The following SMC1B variants were observed in gnomAD, a reference collection of about 807,000 sequenced individuals.
SMC1B encodes the protein structural maintenance of chromosomes 1B, also known as structural maintenance of chromosomes protein 1B.
A neutral mutation model predicts 157.9 loss-of-function variants in SMC1B; 60 were observed. The ratio of observed to expected loss-of-function variants is 0.38; its 90% CI spans 0.31 to 0.47. The LOEUF (loss-of-function observed/expected upper bound fraction) is 0.47. Ranked by LOEUF, SMC1B falls within the 20% of genes least tolerant of loss-of-function variation. The pLI is 0.99. For synonymous variants in SMC1B, 445 were observed against 483.0 expected, an observed-to-expected ratio of 0.92 and a Z score of 1.03; for missense variants, 1,165 against 1,426.2, an observed-to-expected ratio of 0.82 and a Z score of 2.95.
At chr22:45,368,984 C>T (rs1415531108) in intron 15 of SMC1B, among the ~76,000 whole-genome samples, 1 of 152,076 alleles carries the variant, frequency 6.6e-6, no homozygotes, top group Non-Finnish European at 1.5e-5. Context: ...TTGTAACTGG[C>T]CATCTTAGAT....
intron 22 of SMC1B, among the ~76,000 whole-genome samples, chr22:45,350,184 G>T (rs1210970138): frequency 6.6e-6 from 1 of 151,144 alleles, no homozygotes; most frequent in African/African-American, 2.4e-5. Flanking sequence ...TGGCCTCAGG[G>T]TTTTAAATAC....
At chr22:45,351,901 T>C (rs2086619352) in intron 22 of SMC1B, among the ~76,000 whole-genome samples, 1 of 152,238 alleles carries the variant, frequency 6.6e-6, no homozygotes, top group Non-Finnish European at 1.5e-5. Context: ...AATAAGGAGA[T>C]TAAATACTTT....
chr22:45,368,415 T>C (rs1000746434), intron 15 of SMC1B, among the ~76,000 whole-genome samples: 1 of 152,148 alleles, frequency 6.6e-6, no homozygotes, highest in African/African-American at 2.4e-5. Flanking sequence ...GTGACATTGA[T>C]TTACAGTTTC....
At chr22:45,388,838 A>G (rs149106148) in intron 10 of SMC1B, among the ~76,000 whole-genome samples, 26 of 151,952 alleles carry the variant, frequency 1.7e-4, no homozygotes, top group African/African-American at 6.0e-4. Flanking sequence ...AAGAAAAAAA[A>G]TCAGCCGGGC....
Position 45,354,993 on chromosome 22 carries a change from C to A in SMC1B, c.3084G>T (p.Lys1028Asn), listed in dbSNP as rs1392894911. 1 of 1,614,176 alleles carries A rather than the reference C, an allele frequency of 6.2e-7. No homozygotes were observed. The highest frequency in any genetic ancestry group is 8.5e-7 in the Non-Finnish European group (1 of 1,180,026). ...APNLRALENL[K>N]TVRDKFQEST... ...ACTCTTGAAACTTGTCTCTGACAGT[C>A]TTTAAGTTCTCCAGTGCTCGTAGGT... The change falls in exon 20 of 25, where the codon AAG (lysine) becomes AAT (asparagine). Residue 1028 changes from lysine to asparagine, a missense_variant. Physicochemically the swap from Lys to Asn is moderately conservative, Grantham distance 94. Transcript: ENST00000357450.
At chr22:45,404,373 T>C (rs866431607) in intron 4 of SMC1B, among the ~76,000 whole-genome samples, 3 of 152,246 alleles carry the variant, frequency 2.0e-5, no homozygotes, top group Non-Finnish European at 4.4e-5. Flanking sequence ...TATCTTGAAA[T>C]AGCCGTGCAA....
chr22:45,377,668 T>C (rs2086896537), intron 12 of SMC1B, among the ~76,000 whole-genome samples: 1 of 152,010 alleles, frequency 6.6e-6, no homozygotes. Context: ...TGTATAACTT[T>C]TGTTATTTTG....
chr22:45,413,264 C>A (rs1168805540), intron 1 of SMC1B, among the ~76,000 whole-genome samples, 195 bp downstream of exon 1: 1 of 152,014 alleles, frequency 6.6e-6, no homozygotes, highest in South Asian at 2.1e-4. Context: ...ACGGCGAGGA[C>A]CGGGGCTGAG....
chr22:45,363,877 C>G (rs2086746335), intron 15 of SMC1B, among the ~76,000 whole-genome samples: 1 of 148,126 alleles, frequency 6.8e-6, no homozygotes. Context: ...GAGATGGAGT[C>G]TCACTCTGTT....
chr22:45,388,986 C>CAAAAAAAAAA (rs371475132), intron 10 of SMC1B, among the ~76,000 whole-genome samples: 15 of 54,306 alleles, frequency 2.8e-4, no homozygotes, highest in African/African-American at 3.2e-4. Context: ...GACTCTGCCT[C>CAAAAAAAAAA]AAAAAAAAAA....
At chr22:45,384,265 G>A (rs924748246) in intron 11 of SMC1B, among the ~76,000 whole-genome samples, 3 of 152,072 alleles carry the variant, frequency 2.0e-5, no homozygotes, top group Non-Finnish European at 2.9e-5. Context: ...AAGAACATCT[G>A]CTCTTTACTA....
At chr22:45,358,861 G>A (rs2086694538) in intron 18 of SMC1B, 66 bp from the exon 19 acceptor site, 2 of 1,058,732 alleles carry the variant, frequency 1.9e-6, no homozygotes, top group Non-Finnish European at 2.9e-6. Flanking sequence ...AGTGGTTCAT[G>A]GCACTCCAAA....
intron 5 of SMC1B, among the ~76,000 whole-genome samples, chr22:45,400,088 T>A (rs538887604): frequency 1.3e-5 from 2 of 152,338 alleles, no homozygotes; most frequent in African/African-American, 4.8e-5. Flanking sequence ...TATTTATAGC[T>A]ATGTGTATAA....
chr22:45,361,740 G>T lies in SMC1B; in HGVS notation c.2708+99C>A. 2.6e-6 allele frequency: 3 copies of T among 1,143,828 alleles called. No homozygotes were observed. The South Asian group carries it at 4.4e-5, about 17-fold the overall frequency. 70.9% of individuals were successfully genotyped at this position (1,143,828 alleles called of 1,614,324 possible). Reference sequence around the variant, plus strand: ...GATGTGAGACCAAGAGCAACAAAGGGCACATATTCAAATGCAACTCATTTC... The same window carrying T: ...GATGTGAGACCAAGAGCAACAAAGGTCACATATTCAAATGCAACTCATTTC... On this transcript the variant is annotated intron_variant, in intron 17 of 24. Coordinates refer to ENST00000357450, the MANE Select transcript of SMC1B (RefSeq NM_148674.5).
intron 22 of SMC1B, among the ~76,000 whole-genome samples, chr22:45,350,139 G>A (rs1222904283): frequency 6.6e-6 from 1 of 152,090 alleles, no homozygotes; most frequent in Non-Finnish European, 1.5e-5. Flanking sequence ...TCAGGGCTCT[G>A]TGCTTATCTA....
At chr22:45,375,255 T>C (rs543424476) in intron 12 of SMC1B, among the ~76,000 whole-genome samples, 10 of 152,352 alleles carry the variant, frequency 6.6e-5, no homozygotes, top group Admixed American at 3.9e-4. Context: ...TTTCGAGTTA[T>C]CCTGCCTTTG....
intron 19 of SMC1B, among the ~76,000 whole-genome samples, chr22:45,355,341 T>C (rs2086659575): frequency 6.6e-6 from 1 of 152,220 alleles, no homozygotes; most frequent in Non-Finnish European, 1.5e-5. Flanking sequence ...TTTTTTAATC[T>C]GGGTAAAGAG....
chr22:45,385,957 G>A (rs1251982258), intron 11 of SMC1B, among the ~76,000 whole-genome samples: 1 of 151,910 alleles, frequency 6.6e-6, no homozygotes, highest in Non-Finnish European at 1.5e-5. Flanking sequence ...TGCAATTCTG[G>A]ACATTCCAGA....
At chr22:45,409,606 AAAT>A (rs2087306847) in intron 1 of SMC1B, among the ~76,000 whole-genome samples, 5 of 51,876 alleles carry the variant, frequency 9.6e-5, no homozygotes, top group South Asian at 7.4e-4. Context: ...ATAAATAAAT[AAAT>A]AAAAACAAGA....
Sources: allele counts gnomAD v4.1 joint callset (sites outside exome capture counted in the v4.1 genomes callset), GRCh38; gene constraint gnomAD v4.1.1; transcripts MANE v1.5; gene names NCBI Gene and HGNC (gene_info 2026-07-23, HGNC 2026-07-21).